CDH8: variants seen among roughly 807,000 people sequenced by gnomAD.
The protein encoded by CDH8 is cadherin 8.
Under a neutral mutation model 68.1 loss-of-function variants are expected in CDH8, and 17 were observed. The ratio of observed to expected loss-of-function variants is 0.25; its 90% CI spans 0.17 to 0.37. The LOEUF (loss-of-function observed/expected upper bound fraction) is 0.37, where lower values mean the gene tolerates loss of function less well. CDH8 is among the 10% of genes least tolerant of loss of function. The probability of loss-of-function intolerance (pLI) is 1.00; values close to 1 mark genes in which losing one functional copy is unlikely to be tolerated. For synonymous variants in CDH8, 372 were observed against 365.1 expected, an observed-to-expected ratio of 1.02 and a Z score of -0.21; for missense variants, 763 against 999.3, an observed-to-expected ratio of 0.76 and a Z score of 3.19.
At chr16:61,966,340 C>A (rs935894450) in intron 2 of CDH8, among the ~76,000 whole-genome samples, 1 of 151,870 alleles carries the variant, frequency 6.6e-6, no homozygotes. Context: ...GAGATCTAGA[C>A]AACCTTGGCC....
intron 7 of CDH8, among the ~76,000 whole-genome samples, chr16:61,789,686 A>G (rs1251186495): frequency 1.3e-5 from 2 of 152,136 alleles, no homozygotes; most frequent in Non-Finnish European, 2.9e-5. Context: ...AATTAGCTAC[A>G]TATGCAACAT....
At chr16:61,789,095 G>A (rs918474970) in intron 8 of CDH8, among the ~76,000 whole-genome samples, 1 of 151,954 alleles carries the variant, frequency 6.6e-6, no homozygotes, top group Non-Finnish European at 1.5e-5. Flanking sequence ...AAAATGCAAA[G>A]CATTGTTTTT....
chr16:61,795,486 T>G (rs2142995507), intron 7 of CDH8, among the ~76,000 whole-genome samples: 1 of 152,232 alleles, frequency 6.6e-6, no homozygotes, highest in African/African-American at 2.4e-5. Context: ...ATCTCAGATG[T>G]TCATCTATAA....
Position 61,654,077 on chromosome 16 carries a change from A to G in CDH8, c.1931T>C (p.Leu644Pro). The change falls in exon 12 of 12, where the codon CTA becomes CCA. Residue 644 changes from leucine (L) to proline (P), a missense_variant. Leu to Pro is a moderately conservative substitution (Grantham distance 98). Around this residue, in one of 2 missense-constraint regions of CDH8, gnomAD observed 397 missense variants for 436.2 expected, o/e 0.91. Coordinates refer to ENST00000577390, the MANE Select transcript of CDH8 (RefSeq NM_001796.5). Reference sequence around the variant, plus strand: ...TAATGGTTCATTTTTATGCCGCCGTAGAGTTACAAACAGCACCACGATGAC... The same window carrying G: ...TAATGGTTCATTTTTATGCCGCCGTGGAGTTACAAACAGCACCACGATGAC... ...LLVIVVLFVT[L>P]RRHKNEPLII... 2 of 1,613,986 alleles carry G rather than the reference A, an allele frequency of 1.2e-6. No homozygotes were observed. Among genetic ancestry groups the G allele is most frequent in the Non-Finnish European group, 1.7e-6 (2 of 1,179,952 alleles).
chr16:61,777,155 C>A (rs953134729), intron 8 of CDH8, among the ~76,000 whole-genome samples: 5 of 152,090 alleles, frequency 3.3e-5, no homozygotes, highest in African/African-American at 1.2e-4. Flanking sequence ...TTTCTCCTCC[C>A]AGTCCTAATG....
intron 2 of CDH8, among the ~76,000 whole-genome samples, chr16:61,952,507 G>T (rs2143593628): frequency 6.6e-6 from 1 of 152,284 alleles, no homozygotes; most frequent in African/African-American, 2.4e-5. Context: ...TTTTCAGAAG[G>T]CTGGGAGTTA....
At chr16:61,947,284 A>G (rs750204845) in intron 2 of CDH8, among the ~76,000 whole-genome samples, 1 of 152,260 alleles carries the variant, frequency 6.6e-6, no homozygotes, top group Non-Finnish European at 1.5e-5. Flanking sequence ...ATATTTTTAT[A>G]TGAAAACAGT....
intron 8 of CDH8, among the ~76,000 whole-genome samples, chr16:61,749,466 G>C (rs1467554347): frequency 6.6e-6 from 1 of 152,008 alleles, no homozygotes; most frequent in Non-Finnish European, 1.5e-5. Context: ...AAATATTACA[G>C]TTTAGAAAAC....
chr16:61,820,269 C>G (rs1003877514), intron 6 of CDH8, among the ~76,000 whole-genome samples: 4 of 143,670 alleles, frequency 2.8e-5, no homozygotes, highest in African/African-American at 1.0e-4. Flanking sequence ...CCTTCAGGGA[C>G]TAGAGAAAGC....
intron 2 of CDH8, among the ~76,000 whole-genome samples, chr16:61,948,856 G>A (rs145363204): frequency 1.3e-5 from 2 of 152,174 alleles, no homozygotes; most frequent in East Asian, 1.9e-4. Flanking sequence ...AACCCATCCC[G>A]ACATCAGTGG....
intron 3 of CDH8, among the ~76,000 whole-genome samples, chr16:61,899,168 C>T (rs1963923219): frequency 6.6e-6 from 1 of 152,124 alleles, no homozygotes; most frequent in African/African-American, 2.4e-5. Flanking sequence ...GTGATGTTTC[C>T]TTCCCTGTGT....
chr16:61,715,204 T>C lies in CDH8; in HGVS notation c.1537-1246A>G, dbSNP rs534634242. Among the ~76,000 whole-genome samples, 4 of 151,822 alleles carry C rather than the reference T, an allele frequency of 2.6e-5. No individual in the cohort carries two copies. In the South Asian group the frequency reaches 8.3e-4, roughly 31 times the overall value. ...TGTTAAGGACCTTTTTGTCTAGTTATAATGTCTTATAAATAATTATAATTA... is the reference window on the plus strand; with the variant it reads ...TGTTAAGGACCTTTTTGTCTAGTTACAATGTCTTATAAATAATTATAATTA... On this transcript the variant is annotated intron_variant, in intron 9 of 11. Transcript: ENST00000577390.
intron 7 of CDH8, among the ~76,000 whole-genome samples, chr16:61,810,934 G>A (rs187631132): frequency 6.7e-6 from 1 of 148,650 alleles, no homozygotes; most frequent in Admixed American, 6.8e-5. Context: ...TGAGGCAGAA[G>A]AATTGCTTGA....
At chr16:61,959,978 G>A (rs867411443) in intron 2 of CDH8, among the ~76,000 whole-genome samples, 565 of 46,440 alleles carry the variant, frequency 0.012, 32 homozygotes, top group African/African-American at 0.036. Flanking sequence ...GTATGTGTGT[G>A]TGTGTGTATA....
intron 8 of CDH8, among the ~76,000 whole-genome samples, chr16:61,753,271 G>A (rs551988015): frequency 1.4e-4 from 21 of 146,184 alleles, no homozygotes; most frequent in South Asian, 1.3e-3. Context: ...ATATGGTCTC[G>A]CTCTGTCACC....
At chr16:61,852,807 C>T (rs915696023) in intron 4 of CDH8, among the ~76,000 whole-genome samples, 5 of 151,812 alleles carry the variant, frequency 3.3e-5, no homozygotes, top group Non-Finnish European at 5.9e-5. Context: ...GCTTCTTTTG[C>T]ACATCCCTCC....
At chr16:61,836,681 G>A (rs552320797) in intron 4 of CDH8, among the ~76,000 whole-genome samples, 3 of 152,016 alleles carry the variant, frequency 2.0e-5, no homozygotes, top group South Asian at 4.2e-4. Flanking sequence ...AATGACCATC[G>A]AACATAGACT....
chr16:61,676,074 C>T lies in CDH8; in HGVS notation c.1655-20353G>A, dbSNP rs28773001. ...TTACATAAAAATAAATAGAATAAGT[C>T]CTCAAATAAAAAGGCAGTCATTGCA... On this transcript the variant is annotated intron_variant, in intron 10 of 11. Coordinates refer to ENST00000577390, the MANE Select transcript of CDH8 (RefSeq NM_001796.5). Among the ~76,000 whole-genome samples the T allele has an allele frequency of 5.8e-3, 870 of 149,798 alleles. 10 individuals carry two copies. The highest frequency in any genetic ancestry group is 0.02 in the African/African-American group (827 of 40,974).
At chr16:62,035,060 T>C (rs1248399973) in intron 1 of CDH8, 1 of 152,148 alleles carries the variant, frequency 6.6e-6, no homozygotes, top group Non-Finnish European at 1.5e-5. Context: ...TTGGGAGGAA[T>C]AAGCGGAGGA....
Sources: gnomAD v4.1 joint callset for allele counts (sites outside exome capture counted in the v4.1 genomes callset) on GRCh38, gnomAD v4.1.1 for gene constraint, gnomAD v4.1.1 regional missense constraint, MANE v1.5 for transcripts, NCBI Gene and HGNC (gene_info 2026-07-23, HGNC 2026-07-21) for gene names.